PBX1: variants seen among roughly 807,000 people sequenced by gnomAD.
PBX1 encodes the protein pre-B-cell leukemia transcription factor 1.
Under a neutral mutation model 53.4 loss-of-function variants are expected in PBX1, and 6 were observed. That is an observed-to-expected ratio of 0.11 (90% CI 0.06 to 0.22). PBX1 has a LOEUF of 0.22. Ranked by LOEUF, PBX1 falls within the 10% of genes least tolerant of loss-of-function variation. The probability of loss-of-function intolerance (pLI) is 1.00; values close to 1 mark genes in which losing one functional copy is unlikely to be tolerated. For synonymous variants in PBX1, 204 were observed against 212.3 expected (o/e 0.96, Z 0.34); for missense variants, 251 against 551.4 (o/e 0.46, Z 5.46).
At chr1:164,595,825 A>G (rs1655715679) in intron 2 of PBX1, among the ~76,000 whole-genome samples, 1 of 152,246 alleles carries the variant, frequency 6.6e-6, no homozygotes, top group Admixed American at 6.5e-5. Flanking sequence ...TAAGAAAAGA[A>G]TGACAGAAAG....
At chr1:164,782,554 G>A (rs1667986007) in intron 2 of PBX1, among the ~76,000 whole-genome samples, 1 of 152,200 alleles carries the variant, frequency 6.6e-6, no homozygotes, top group African/African-American at 2.4e-5. Context: ...ATTGTATTAG[G>A]AACCCTGCCT....
chr1:164,767,411 T>A (rs1382528664), intron 2 of PBX1, among the ~76,000 whole-genome samples: 1 of 152,176 alleles, frequency 6.6e-6, no homozygotes, highest in East Asian at 1.9e-4. Context: ...CTTTTTATCC[T>A]AGAAATTTTA....
At chr1:164,661,951 C>T (rs1660515434) in intron 2 of PBX1, among the ~76,000 whole-genome samples, 1 of 152,140 alleles carries the variant, frequency 6.6e-6, no homozygotes, top group Admixed American at 6.5e-5. Flanking sequence ...CATCAATTGC[C>T]TAAATGTTTT....
At chr1:164,649,940 A>G (rs1659687758) in intron 2 of PBX1, among the ~76,000 whole-genome samples, 1 of 152,212 alleles carries the variant, frequency 6.6e-6, no homozygotes, top group Non-Finnish European at 1.5e-5. Flanking sequence ...ATGGCCAAAA[A>G]AAAACAAAGA....
intron 2 of PBX1, among the ~76,000 whole-genome samples, chr1:164,716,685 T>TACACAC (rs375539653): frequency 0.045 from 5,259 of 115,762 alleles, 164 homozygotes; most frequent in South Asian, 0.091. Flanking sequence ...ATGTCATCTC[T>TACACAC]ACACACACAC....
intron 8 of PBX1, 59 bp downstream of exon 8, chr1:164,821,685 T>C: frequency 7.5e-7 from 1 of 1,327,312 alleles, no homozygotes. Context: ...TACCAATTAT[T>C]TCAAAGCCAT....
intron 2 of PBX1, among the ~76,000 whole-genome samples, chr1:164,574,480 G>C (rs1420330337): frequency 6.6e-5 from 10 of 152,150 alleles, no homozygotes; most frequent in Non-Finnish European, 1.5e-5. Flanking sequence ...CCCTGCCAAA[G>C]CTTAGATTCC....
chr1:164,587,779 C>T (rs1284353011), intron 2 of PBX1, among the ~76,000 whole-genome samples: 1 of 152,176 alleles, frequency 6.6e-6, no homozygotes, highest in East Asian at 1.9e-4. Context: ...CAGTCCGGCA[C>T]ATACAGCCTC....
At chr1:164,590,418 G>GC (rs1415794294) in intron 2 of PBX1, 6 of 455,726 alleles carry the variant, frequency 1.3e-5, no homozygotes, top group African/African-American at 6.0e-5. Context: ...AATCGCCGCC[G>GC]CCCCCCTGTG....
intron 2 of PBX1, among the ~76,000 whole-genome samples, chr1:164,638,734 C>T (rs190927936): frequency 2.0e-3 from 300 of 152,332 alleles, no homozygotes; most frequent in Non-Finnish European, 3.4e-3. Context: ...TGACCGTCAC[C>T]GTCACACATG....
At chr1:164,829,118 A>G (rs978413626) in intron 8 of PBX1, 1 of 152,236 alleles carries the variant, frequency 6.6e-6, no homozygotes, top group Non-Finnish European at 1.5e-5. Flanking sequence ...TGGTTCTTAT[A>G]CTTCATAAAG....
intron 2 of PBX1, among the ~76,000 whole-genome samples, chr1:164,788,386 GT>G (rs59857388): frequency 0.096 from 13,413 of 139,936 alleles, 768 homozygotes; most frequent in African/African-American, 0.18. Flanking sequence ...TAATGTTGGT[GT>G]TTTTTTTTTT....
intron 2 of PBX1, among the ~76,000 whole-genome samples, chr1:164,652,538 A>C (rs1294384157): frequency 2.6e-5 from 4 of 152,154 alleles, no homozygotes; most frequent in Non-Finnish European, 5.9e-5. Flanking sequence ...TTACTTGCTC[A>C]AGGTAATAGA....
At chr1:164,729,791 CAGTATA>C (rs1015638416) in intron 2 of PBX1, among the ~76,000 whole-genome samples, 5 of 152,168 alleles carry the variant, frequency 3.3e-5, no homozygotes, top group East Asian at 1.9e-4. Context: ...TACTGCTTCT[CAGTATA>C]AGTATAATAA....
chr1:164,880,640 G>C (rs1672623614), intron 2 of PBX1, among the ~76,000 whole-genome samples: 1 of 152,160 alleles, frequency 6.6e-6, no homozygotes, highest in South Asian at 2.1e-4. Flanking sequence ...GGGAAATACT[G>C]ACTCAAGACT....
rs111596323 is a variant in PBX1, at chr1:164,831,380, G to GT, written c.1200+9764dup. 9.1e-3 allele frequency: 1,362 copies of GT among 149,442 alleles called. 9 individuals carry two copies. Among genetic ancestry groups the GT allele is most frequent in the Middle Eastern group, 0.021 (6 of 286 alleles). The allele number at this position is 149,442 out of a possible 1,614,324, so 9.3% of individuals were successfully genotyped here. On this transcript the variant is annotated intron_variant, in intron 8 of 8. Transcript: ENST00000420696. ...ATCATAAGTATCCATTCTCTTGAAGGTTTTTTTTTTGTTTATTTTGTTTTT... is the reference window on the plus strand; with the variant it reads ...ATCATAAGTATCCATTCTCTTGAAGGTTTTTTTTTTTGTTTATTTTGTTTTT...
intron 2 of PBX1, among the ~76,000 whole-genome samples, chr1:164,871,085 G>A (rs150079086): frequency 0.018 from 2,752 of 152,250 alleles, 77 homozygotes; most frequent in African/African-American, 0.056. Flanking sequence ...AAGACAGAGG[G>A]GAAGGATCAG....
intron 2 of PBX1, among the ~76,000 whole-genome samples, chr1:164,871,288 G>C (rs1025473471): frequency 6.6e-6 from 1 of 152,232 alleles, no homozygotes; most frequent in African/African-American, 2.4e-5. Flanking sequence ...AGTGGGCAGA[G>C]GGACTGAGGA....
At chr1:164,835,163 G>A (rs903206007) in intron 8 of PBX1, among the ~76,000 whole-genome samples, 11 of 151,264 alleles carry the variant, frequency 7.3e-5, no homozygotes, top group Non-Finnish European at 1.2e-4. Flanking sequence ...AACTGCATAG[G>A]AAACTGTTAT....
Sources: allele counts gnomAD v4.1 joint callset (sites outside exome capture counted in the v4.1 genomes callset), GRCh38; gene constraint gnomAD v4.1.1; transcripts MANE v1.5; gene names NCBI Gene and HGNC (gene_info 2026-07-23, HGNC 2026-07-21).